The following SLC13A3 variants were observed in gnomAD, a reference collection of about 807,000 sequenced individuals.
The protein encoded by SLC13A3 is Na(+)/dicarboxylate cotransporter 3.
In SLC13A3, 40 loss-of-function variants were observed where a neutral mutation model predicts 59.0. The observed-to-expected ratio is 0.68, with a 90% CI of 0.53 to 0.88. SLC13A3 has a LOEUF of 0.88. SLC13A3 is among the 40% of genes least tolerant of loss of function. SLC13A3 has a pLI of 0.00. For synonymous variants in SLC13A3, 317 were observed against 330.3 expected, an observed-to-expected ratio of 0.96 and a Z score of 0.44; for missense variants, 699 against 783.2, an observed-to-expected ratio of 0.89 and a Z score of 1.28.
chr20:46,638,597 T>G (rs569591208), intron 1 of SLC13A3, among the ~76,000 whole-genome samples: 2 of 152,324 alleles, frequency 1.3e-5, no homozygotes, highest in South Asian at 4.1e-4. Context: ...TGGAATGCCC[T>G]GCATTTCCAA....
At chr20:46,618,110 G>A (rs1338125091) in intron 1 of SLC13A3, among the ~76,000 whole-genome samples, 1 of 151,996 alleles carries the variant, frequency 6.6e-6, no homozygotes, top group Non-Finnish European at 1.5e-5. Context: ...TTCATCTTAG[G>A]TCTATTATGA....
At chr20:46,618,053 C>A (rs578146402) in intron 1 of SLC13A3, among the ~76,000 whole-genome samples, 1 of 152,292 alleles carries the variant, frequency 6.6e-6, no homozygotes, top group South Asian at 2.1e-4. Context: ...TTCAGACAAT[C>A]CTCATCTTTG....
intron 9 of SLC13A3, among the ~76,000 whole-genome samples, chr20:46,580,487 A>C (rs1365675125): frequency 6.7e-6 from 1 of 148,626 alleles, no homozygotes; most frequent in Non-Finnish European, 1.5e-5. Context: ...TATATTTATA[A>C]AACATATAAA....
chr20:46,584,281 C>A, intron 8 of SLC13A3: 2 of 985,404 alleles, frequency 2.0e-6, no homozygotes, highest in Non-Finnish European at 2.4e-6. Context: ...CAAGGGCAGA[C>A]CCTGAGCAAG....
rs1414935070 is a variant in SLC13A3 at position 46,585,598 on chromosome 20, A to G, written c.1122-1929T>C. ...AGTCTTGACAAATGTATGCAGTCCG[A>G]TAACAGCGTGATCACAATGTAGAAC... On this transcript the variant is annotated intron_variant, in intron 8 of 12. Coordinates refer to ENST00000279027, the MANE Select transcript of SLC13A3 (RefSeq NM_022829.6). 5 of 1,186,760 alleles carry G rather than the reference A, an allele frequency of 4.2e-6. No homozygotes were observed. The Admixed American group carries it at 2.0e-4, about 47-fold the overall frequency. 73.5% of individuals were successfully genotyped at this position (1,186,760 alleles called of 1,614,324 possible).
intron 1 of SLC13A3, among the ~76,000 whole-genome samples, chr20:46,640,878 G>A (rs2062840756): frequency 6.6e-6 from 1 of 152,186 alleles, no homozygotes; most frequent in South Asian, 2.1e-4. Context: ...GTTGGGTCAG[G>A]AAACACGATC....
chr20:46,674,473 G>C (rs578028290), upstream of SLC13A3, among the ~76,000 whole-genome samples: 1 of 152,154 alleles, frequency 6.6e-6, no homozygotes, highest in Non-Finnish European at 1.5e-5. Flanking sequence ...TTACAAACAC[G>C]GAGAGGCCTT....
At chr20:46,581,293 G>A (rs1263464650) in intron 9 of SLC13A3, among the ~76,000 whole-genome samples, 1 of 152,208 alleles carries the variant, frequency 6.6e-6, no homozygotes, top group Non-Finnish European at 1.5e-5. Flanking sequence ...ACCATGGATG[G>A]GCACCTGACC....
chr20:46,589,035 C>A (rs2062224796), intron 7 of SLC13A3, 125 bp downstream of exon 7: 8 of 791,938 alleles, frequency 1.0e-5, no homozygotes, highest in Admixed American at 7.2e-5. Flanking sequence ...TCTCTAGGCT[C>A]CCACGCCACG....
At position 46,575,604 on chromosome 20, in the gene SLC13A3, C is replaced by G. The variant is rs1278808905; in HGVS notation, c.1301G>C (p.Gly434Ala). 1 of 1,606,442 alleles carries G rather than the reference C, an allele frequency of 6.2e-7. No individual in the cohort carries two copies. The change falls in exon 10 of 13, where the codon GGA (glycine) becomes GCA (alanine). Residue 434 changes from glycine (G) to alanine (A), a missense_variant. Coordinates refer to ENST00000279027, the MANE Select transcript of SLC13A3 (RefSeq NM_022829.6). ...TVPWNIILLL[G>A]GGFAMAKGCE... Reference sequence around the variant, plus strand: ...GCCTTTGGCCATGGCGAAGCCCCCTCCCAGGAGAAGGATGATGTTCCAGGG... The same window carrying G: ...GCCTTTGGCCATGGCGAAGCCCCCTGCCAGGAGAAGGATGATGTTCCAGGG...
chr20:46,596,433 G>T, intron 4 of SLC13A3, 91 bp from the exon 5 acceptor site: 1 of 1,216,628 alleles, frequency 8.2e-7, no homozygotes, highest in Non-Finnish European at 1.2e-6. Context: ...GATCTTTCTA[G>T]AAGGTAATTT....
At chr20:46,582,388 A>G (rs373058386) in intron 9 of SLC13A3, among the ~76,000 whole-genome samples, 19 of 151,408 alleles carry the variant, frequency 1.3e-4, no homozygotes, top group African/African-American at 3.9e-4. Flanking sequence ...TCAGCCTCCC[A>G]AAGTGCTGGG....
chr20:46,636,734 C>T (rs766216177), intron 1 of SLC13A3, among the ~76,000 whole-genome samples: 10 of 152,188 alleles, frequency 6.6e-5, no homozygotes, highest in Non-Finnish European at 1.2e-4. Context: ...CCTGGATCAT[C>T]CGAGCCCACA....
intron 1 of SLC13A3, among the ~76,000 whole-genome samples, chr20:46,658,200 A>G (rs1434655526): frequency 2.0e-5 from 3 of 151,814 alleles, no homozygotes; most frequent in Non-Finnish European, 4.4e-5. Context: ...AACACTCTAA[A>G]TAAATATCAA....
intron 9 of SLC13A3, 34 bp from the exon 10 acceptor site, chr20:46,575,719 G>T (rs776562031): frequency 7.1e-7 from 1 of 1,406,958 alleles, no homozygotes; most frequent in Non-Finnish European, 9.8e-7. Flanking sequence ...ACACACTCAG[G>T]GCCGCTCAGC....
At chr20:46,590,746 T>C (rs2062244962) in intron 6 of SLC13A3, among the ~76,000 whole-genome samples, 1 of 152,236 alleles carries the variant, frequency 6.6e-6, no homozygotes, top group African/African-American at 2.4e-5. Flanking sequence ...TGATAATATC[T>C]ATTAAAATAA....
chr20:46,663,338 G>A (rs550302559), intron 1 of SLC13A3, among the ~76,000 whole-genome samples: 20 of 151,920 alleles, frequency 1.3e-4, no homozygotes, highest in African/African-American at 4.3e-4. Context: ...TCAGCTACTC[G>A]AGAGGCTGAA....
chr20:46,653,414 G>A (rs919729461), upstream of SLC13A3, among the ~76,000 whole-genome samples: 10 of 152,052 alleles, frequency 6.6e-5, no homozygotes, highest in Non-Finnish European at 1.2e-4. Context: ...TCTGTTTCTG[G>A]TTGGGCCAGT....
At chr20:46,570,635 A>T (rs573224440) in intron 10 of SLC13A3, among the ~76,000 whole-genome samples, 24 of 152,342 alleles carry the variant, frequency 1.6e-4, no homozygotes, top group Admixed American at 1.6e-3. Flanking sequence ...AAAGATCAAA[A>T]TTCAAGATTC....
Sources: allele counts gnomAD v4.1 joint callset (sites outside exome capture counted in the v4.1 genomes callset), GRCh38; gene constraint gnomAD v4.1.1; transcripts MANE v1.5; gene names NCBI Gene and HGNC (gene_info 2026-07-23, HGNC 2026-07-21).